Variants in EIF4G3 observed in about 807,000 individuals in gnomAD.
EIF4G3 encodes eukaryotic translation initiation factor 4 gamma 3.
In EIF4G3, 34 loss-of-function variants were observed where a neutral mutation model predicts 186.4. The ratio of observed to expected loss-of-function variants is 0.18; its 90% confidence interval spans 0.14 to 0.24. EIF4G3 has a LOEUF of 0.24. Among genes scored for constraint, EIF4G3 ranks in the 10% least tolerant of loss-of-function variants. The pLI, the probability that EIF4G3 is intolerant of heterozygous loss-of-function variation, is 1.00. For missense variants in EIF4G3, 1,536 were observed against 1,948.5 expected (o/e 0.79, Z 3.99); for synonymous variants, 673 against 679.5 (o/e 0.99, Z 0.15).
At chr1:20,828,382 G>C (rs902210792) in intron 31 of EIF4G3, among the ~76,000 whole-genome samples, 1 of 152,088 alleles carries the variant, frequency 6.6e-6, no homozygotes, top group South Asian at 2.1e-4. Flanking sequence ...TGAAATTATG[G>C]ATGAAACAGC....
At chr1:21,087,752 G>A (rs1469559411) in intron 3 of EIF4G3, among the ~76,000 whole-genome samples, 2 of 152,074 alleles carry the variant, frequency 1.3e-5, no homozygotes, top group Non-Finnish European at 1.5e-5. Context: ...TCCTGCCTCA[G>A]CCTCCTGAGT....
rs1240528384 is a variant in EIF4G3 at position 20,997,599 on chromosome 1, A to C, written c.177+2T>G. ...GATAGTGAAGGGGCAAGGGTACAGTACCTGATGATGGGGAGGTCGAGGCCC... is the reference window on the plus strand; with the variant it reads ...GATAGTGAAGGGGCAAGGGTACAGTCCCTGATGATGGGGAGGTCGAGGCCC... On this transcript the variant is annotated splice_donor_variant, in intron 7 of 36. Coordinates refer to ENST00000602326, the MANE Select transcript of EIF4G3 (RefSeq NM_001391906.1). LOFTEE classifies it high-confidence loss of function. The C allele has an allele frequency of 6.5e-7, 1 of 1,549,470 alleles. No homozygotes were observed. Among genetic ancestry groups the C allele is most frequent in the South Asian group, 1.2e-5 (1 of 83,882 alleles).
At chr1:20,808,103 C>T (rs1041383318) in intron 36 of EIF4G3, among the ~76,000 whole-genome samples, 3 of 151,796 alleles carry the variant, frequency 2.0e-5, no homozygotes, top group Admixed American at 6.6e-5. Context: ...AGGCTGGTCT[C>T]GAACTCCTGA....
At position 20,851,341 on chromosome 1, in the gene EIF4G3, A is replaced by T; in HGVS notation, c.3689T>A (p.Leu1230Gln). The T allele has an allele frequency of 6.2e-7, 1 of 1,614,150 alleles. No individual in the cohort carries two copies. The highest frequency in any genetic ancestry group is 8.5e-7 in the Non-Finnish European group (1 of 1,180,036). The change falls in exon 28 of 37, where the codon CTG becomes CAG. Residue 1230 changes from leucine (L) to glutamine (Q), a missense_variant. Leu to Gln is a moderately radical substitution (Grantham distance 113). Transcript: ENST00000602326. ...TCCTGTGAGCTGCTTCACGGTCTCC[A>T]GCATCTCTCTCCGCTGCTCTTCTTG... ...QSQEEQRREM[L>Q]ETVKQLTGGV...
At position 21,123,472 on chromosome 1, in the gene EIF4G3, G is replaced by A. The variant is rs183465262; in HGVS notation, c.-271-34259C>T. Among the ~76,000 whole-genome samples the A allele has an allele frequency of 4.4e-3, 662 of 150,764 alleles. 3 individuals carry two copies. Among genetic ancestry groups the A allele is most frequent in the Admixed American group, 0.012 (187 of 15,012 alleles). On this transcript the variant is annotated intron_variant, in intron 2 of 36. Coordinates refer to ENST00000602326, the MANE Select transcript of EIF4G3 (RefSeq NM_001391906.1). The stretch of plus-strand genomic sequence containing the variant: ...CCAGCTACACAGGAGGCTGAGGCAC[G>A]AGATATCGCTTGAACCTGGGAGGCA...
At chr1:20,995,911 C>T (rs1304139608) in intron 7 of EIF4G3, among the ~76,000 whole-genome samples, 1 of 152,016 alleles carries the variant, frequency 6.6e-6, no homozygotes, top group African/African-American at 2.4e-5. Flanking sequence ...ACGTTTTTGC[C>T]CTAATTCCTT....
rs545765870 is a variant in EIF4G3 at position 20,813,088 on chromosome 1, A to T, written c.4597+70T>A. 4 of 1,075,416 alleles carry T rather than the reference A, an allele frequency of 3.7e-6. No individual in the cohort carries two copies. The South Asian group carries it at 5.3e-5, about 14-fold the overall frequency. The allele number at this position is 1,075,416 out of a possible 1,614,324, so 66.6% of individuals were successfully genotyped here. Reference sequence around the variant, plus strand: ...AGTTTTGAAAACAATGTAAAATCAAACTGTATACTTAGTAGTTGACATAAT... The same window carrying T: ...AGTTTTGAAAACAATGTAAAATCAATCTGTATACTTAGTAGTTGACATAAT... On this transcript the variant is annotated intron_variant, in intron 35 of 36. Transcript: ENST00000602326.
At chr1:20,973,572 C>T (rs898054071) in intron 10 of EIF4G3, among the ~76,000 whole-genome samples, 1 of 152,088 alleles carries the variant, frequency 6.6e-6, no homozygotes, top group African/African-American at 2.4e-5. Flanking sequence ...GAACTACTGC[C>T]ATAGGGAGGT....
At chr1:21,045,794 T>G (rs1197223862) in intron 4 of EIF4G3, among the ~76,000 whole-genome samples, 2 of 151,460 alleles carry the variant, frequency 1.3e-5, no homozygotes, top group African/African-American at 4.9e-5. Context: ...CAAACTTCTC[T>G]TAAAAAAAAA....
At chr1:21,047,898 G>A (rs1349775456) in intron 4 of EIF4G3, among the ~76,000 whole-genome samples, 3 of 152,156 alleles carry the variant, frequency 2.0e-5, no homozygotes, top group Admixed American at 1.3e-4. Flanking sequence ...ATTGCTAGGA[G>A]ACAGATGAAT....
chr1:20,849,046 C>CCAA (rs2072296096), intron 29 of EIF4G3, among the ~76,000 whole-genome samples: 1 of 17,394 alleles, frequency 5.7e-5, no homozygotes, highest in African/African-American at 1.6e-4. Context: ...GACTCTGTCT[C>CCAA]AAAAAAAAAA....
chr1:20,931,171 C>T (rs778437570), intron 14 of EIF4G3, among the ~76,000 whole-genome samples: 3 of 152,014 alleles, frequency 2.0e-5, no homozygotes, highest in South Asian at 2.1e-4. Context: ...ACAAATGCCA[C>T]GAACAAATCA....
At chr1:20,943,205 T>G (rs1288400264) in intron 13 of EIF4G3, among the ~76,000 whole-genome samples, 2 of 152,074 alleles carry the variant, frequency 1.3e-5, no homozygotes, top group Non-Finnish European at 2.9e-5. Flanking sequence ...TGTCTTTACA[T>G]GTAAAACAAT....
intron 14 of EIF4G3, among the ~76,000 whole-genome samples, chr1:20,934,096 T>C (rs575353060): frequency 6.6e-6 from 1 of 152,304 alleles, no homozygotes; most frequent in African/African-American, 2.4e-5. Context: ...GGGTGAATTT[T>C]ACTGCATATA....
chr1:20,875,711 C>T (rs189784945), intron 20 of EIF4G3, among the ~76,000 whole-genome samples: 16 of 152,154 alleles, frequency 1.1e-4, no homozygotes, highest in African/African-American at 2.9e-4. Context: ...CAGGAGTTTA[C>T]GACCAGTCTG....
chr1:20,982,250 G>T, intron 8 of EIF4G3, 138 bp downstream of exon 8: 1 of 652,564 alleles, frequency 1.5e-6, no homozygotes, highest in Non-Finnish European at 2.4e-6. Flanking sequence ...AATTTTCACT[G>T]CAAGATTAAA....
At chr1:20,892,537 T>G in intron 18 of EIF4G3, 1 of 1,043,170 alleles carries the variant, frequency 9.6e-7, no homozygotes, top group East Asian at 2.6e-5. Context: ...GACTTAACAA[T>G]CAATAGTAAA....
intron 11 of EIF4G3, among the ~76,000 whole-genome samples, chr1:20,971,702 G>A (rs181701549): frequency 3.9e-5 from 6 of 152,208 alleles, no homozygotes; most frequent in East Asian, 3.9e-4. Context: ...GCAGTGGCAC[G>A]ATCTCACTGC....
At chr1:21,036,200 G>A (rs1403041307) in intron 4 of EIF4G3, among the ~76,000 whole-genome samples, 1 of 151,706 alleles carries the variant, frequency 6.6e-6, no homozygotes, top group Middle Eastern at 3.2e-3. Flanking sequence ...CTGACGAGAG[G>A]AGCCACCCAC....
Sources: allele counts gnomAD v4.1 joint callset (sites outside exome capture counted in the v4.1 genomes callset), GRCh38; gene constraint gnomAD v4.1.1; transcripts MANE v1.5; gene names NCBI Gene and HGNC (gene_info 2026-07-23, HGNC 2026-07-21).